C4orf50: variants seen among roughly 807,000 people sequenced by gnomAD.
The protein encoded by C4orf50 is uncharacterized protein C4orf50.
A neutral mutation model predicts 77.2 loss-of-function variants in C4orf50; 80 were observed. The observed-to-expected ratio is 1.04, with a 90% CI of 0.87 to 1.25. C4orf50 has a LOEUF of 1.25. C4orf50 is among the 50% of genes most tolerant of loss of function. The probability of loss-of-function intolerance (pLI) is 0.00; values close to 1 mark genes in which losing one functional copy is unlikely to be tolerated. For synonymous variants in C4orf50, 532 were observed against 465.3 expected (o/e 1.14, Z -1.84); for missense variants, 1,257 against 1,152.9 (o/e 1.09, Z -1.31).
In C4orf50 at chr4:6,017,345, C is replaced by T. The variant is rs866339201; in HGVS notation, c.287+800G>A. Among the ~76,000 whole-genome samples, 16 of 152,150 alleles carry T rather than the reference C, an allele frequency of 1.1e-4. No homozygotes were observed. Among genetic ancestry groups the T allele is most frequent in the South Asian group, 2.1e-4 (1 of 4,826 alleles). ...CAGGCCACCCAGCGGGAGCTGGGAC[C>T]GCAGAGGAAGCCGAGAGCACATCTG... On this transcript the variant is annotated intron_variant, in intron 23 of 33. Transcript: ENST00000531445. The surrounding 1 kb of genome is among the most constrained non-coding windows in gnomAD (Gnocchi z 4.7).
In C4orf50 at chr4:5,901,032, C is replaced by T. The variant is rs1159271232; in HGVS notation, c.*2475-2844G>A. ...CACTACCTCAGCGTGTCCCCACTGCCGCCACACCTCCGACATACCTATTTT... is the reference window on the plus strand; with the variant it reads ...CACTACCTCAGCGTGTCCCCACTGCTGCCACACCTCCGACATACCTATTTT... On this transcript the variant is annotated intron_variant, in intron 7 of 7. Transcript: ENST00000324058. The surrounding 1 kb of genome is among the most constrained non-coding windows in gnomAD (Gnocchi z 4.4). 4 of 152,336 alleles carry T rather than the reference C, an allele frequency of 2.6e-5. No homozygotes were observed. Among genetic ancestry groups the T allele is most frequent in the East Asian group, 3.9e-4 (2 of 5,192 alleles). The allele number at this position is 152,336 out of a possible 1,614,324, so 9.4% of individuals were successfully genotyped here. A position where few individuals can be genotyped will look rare whatever the true frequency, so the allele number is the denominator to read the frequency against.
chr4:5,984,337 T>A (rs756411625), intron 28 of C4orf50, among the ~76,000 whole-genome samples: 6 of 152,214 alleles, frequency 3.9e-5, no homozygotes, highest in Non-Finnish European at 8.8e-5. Context: ...TGTTCACCAT[T>A]AAACAAAATA....
At chr4:5,989,399 T>G in exon 28 of C4orf50, 2 of 1,536,078 alleles carry the variant, frequency 1.3e-6, no homozygotes, top group Non-Finnish European at 1.7e-6. Flanking sequence ...AGGGCCGTGG[T>G]CTTTCCCGGC....
chr4:5,956,317 C>T (rs1448408261), downstream of C4orf50, among the ~76,000 whole-genome samples: 1 of 152,188 alleles, frequency 6.6e-6, no homozygotes, highest in Non-Finnish European at 1.5e-5. Context: ...CAAGGCTCAA[C>T]TCAGAGGGCA....
At chr4:5,953,578 C>T (rs73069525), downstream of C4orf50, among the ~76,000 whole-genome samples, 103 of 152,334 alleles carry the variant, frequency 6.8e-4, no homozygotes, top group African/African-American at 2.3e-3. Flanking sequence ...GAGCAGAGAG[C>T]ACTGTCCCAT....
At chr4:5,946,436 AAG>A (rs1560556560) in intron 7 of C4orf50, among the ~76,000 whole-genome samples, 124 of 92,390 alleles carry the variant, frequency 1.3e-3, no homozygotes, top group African/African-American at 3.2e-3. Context: ...AATAAATCGT[AAG>A]TGTTAGAAAT....
intron 7 of C4orf50, among the ~76,000 whole-genome samples, chr4:5,913,211 T>C (rs1248513641): frequency 6.6e-6 from 1 of 152,212 alleles, no homozygotes; most frequent in Non-Finnish European, 1.5e-5. Flanking sequence ...ACGCCTACCT[T>C]ATGGGGCTGG....
chr4:5,975,834 G>A (rs1048694029), intron 30 of C4orf50, 65 bp downstream of exon 8: 11 of 1,307,280 alleles, frequency 8.4e-6, no homozygotes, highest in South Asian at 3.5e-5. Context: ...TGTCTAACAG[G>A]AAAACTACTA....
At position 5,992,951 on chromosome 4, in the gene C4orf50, G is replaced by A. The variant is rs1577977176; in HGVS notation, c.1094-21C>T. On this transcript the variant is annotated intron_variant, in intron 26 of 33. Coordinates refer to ENST00000531445, the Ensembl canonical transcript of C4orf50. The surrounding 1 kb of genome is among the most constrained non-coding windows in gnomAD (Gnocchi z 5.0). Reference sequence around the variant, plus strand: ...CTGGCCTGGAAAGCAACAAGACCCTGGGGGTTACAAAGATGCTCCCAGGGG... The same window carrying A: ...CTGGCCTGGAAAGCAACAAGACCCTAGGGGTTACAAAGATGCTCCCAGGGG... 2.8e-5 allele frequency: 11 copies of A among 399,004 alleles called. No individual in the cohort carries two copies. The East Asian group carries it at 3.9e-4, about 14-fold the overall frequency. 24.7% of individuals were successfully genotyped at this position (399,004 alleles called of 1,614,324 possible).
At chr4:5,976,460 A>G (rs1490886928) in intron 29 of C4orf50, among the ~76,000 whole-genome samples, 1 of 78,200 alleles carries the variant, frequency 1.3e-5, no homozygotes, top group Non-Finnish European at 3.3e-5. Context: ...TGTCTCGGAA[A>G]AAAAAAAAAA....
chr4:5,911,822 C>T (rs1361058056), intron 7 of C4orf50, among the ~76,000 whole-genome samples: 3 of 152,166 alleles, frequency 2.0e-5, no homozygotes, highest in African/African-American at 7.2e-5. Flanking sequence ...CCCAGGCGGG[C>T]CGATCACAAA....
At chr4:5,980,435 T>C (rs892992698) in intron 28 of C4orf50, 97 bp from the exon 7 acceptor site, 6 of 1,159,640 alleles carry the variant, frequency 5.2e-6, no homozygotes, top group Non-Finnish European at 7.2e-6. Flanking sequence ...TCCGTAGTTT[T>C]TTTTTTTGTT....
intron 31 of C4orf50, among the ~76,000 whole-genome samples, chr4:5,968,560 C>T (rs79148129): frequency 0.013 from 2,053 of 152,300 alleles, 39 homozygotes; most frequent in African/African-American, 0.046. Flanking sequence ...TCTCCCACCC[C>T]GGTGCCTGTG....
intron 7 of C4orf50, among the ~76,000 whole-genome samples, chr4:5,943,456 T>C (rs989526126): frequency 6.6e-6 from 1 of 152,182 alleles, no homozygotes; most frequent in African/African-American, 2.4e-5. Flanking sequence ...AAGGTCCGAA[T>C]TCCAGGGAGC....
At chr4:5,918,633 A>G (rs1717135680) in intron 7 of C4orf50, among the ~76,000 whole-genome samples, 1 of 152,212 alleles carries the variant, frequency 6.6e-6, no homozygotes, top group Admixed American at 6.5e-5. Flanking sequence ...ATGAGAGAGC[A>G]AGTCACGTCT....
At position 5,900,374 on chromosome 4, in the gene C4orf50, C is replaced by G. The variant is rs1211410524; in HGVS notation, c.*2475-2186G>C. 1 of 151,814 alleles carries G rather than the reference C, an allele frequency of 6.6e-6. No homozygotes were observed. The highest frequency in any genetic ancestry group is 6.6e-5 in the Admixed American group (1 of 15,254). The allele number at this position is 151,814 out of a possible 1,614,324, so 9.4% of individuals were successfully genotyped here. ...CCAGCTTTGGTGCTTGATTTCACAC[C>G]GAGAAACTAGGTAAGGAAGGCTACG... On this transcript the variant is annotated intron_variant, in intron 7 of 7. Coordinates refer to the C4orf50 transcript ENST00000324058. This position sits in a 1 kb window ranked among gnomAD's most constrained non-coding sequence, Gnocchi z 4.3.
chr4:5,945,078 G>T (rs1031286280), intron 7 of C4orf50, among the ~76,000 whole-genome samples: 5 of 152,196 alleles, frequency 3.3e-5, no homozygotes, highest in African/African-American at 1.2e-4. Flanking sequence ...CCACAGGCCA[G>T]TGGCTCTAGC....
chr4:5,960,204 C>G lies in C4orf50; in HGVS notation c.4276-578G>C, dbSNP rs903953624. On this transcript the variant is annotated intron_variant, in intron 33 of 33. Transcript: ENST00000531445. ...AGTGGCTTCGACTTCAAAGCCAAGC[C>G]CATCTGATTTCAAACCTCCACTCTT... Among the ~76,000 whole-genome samples, 3 of 152,290 alleles carry G rather than the reference C, an allele frequency of 2.0e-5. No individual in the cohort carries two copies. In the East Asian group the frequency reaches 5.8e-4, roughly 29 times the overall value.
exon 28 of C4orf50, chr4:5,989,313 C>A: frequency 4.6e-6 from 7 of 1,536,052 alleles, no homozygotes; most frequent in African/African-American, 2.7e-5. Context: ...GCTCAGCAGG[C>A]CCCTGTGGAG....
Sources: gnomAD v4.1 joint callset for allele counts (sites outside exome capture counted in the v4.1 genomes callset) on GRCh38, gnomAD v4.1.1 for gene constraint, Gnocchi (gnomAD v3.1) non-coding constraint, MANE v1.5 for transcripts, NCBI Gene and HGNC (gene_info 2026-07-23, HGNC 2026-07-21) for gene names.